The following ATP2B3 variants were observed in gnomAD, a reference collection of about 807,000 sequenced individuals.
ATP2B3 encodes ATPase plasma membrane Ca2+ transporting 3.
ATP2B3 carries 12 observed loss-of-function variants against 70.8 expected under a neutral mutation model. The observed-to-expected ratio is 0.17, with a 90% CI of 0.11 to 0.27. The LOEUF is 0.27. Ranked by LOEUF, ATP2B3 falls within the 10% of genes least tolerant of loss-of-function variation. The pLI is 1.00. For missense variants in ATP2B3, 858 were observed against 1,118.5 expected, an observed-to-expected ratio of 0.77 and a Z score of 3.32; for synonymous variants, 460 against 497.8, an observed-to-expected ratio of 0.92 and a Z score of 1.01.
intron 20 of ATP2B3, among the ~76,000 whole-genome samples, chrX:153,562,462 A>G (rs1230098119): frequency 1.8e-5 from 2 of 112,253 alleles, no homozygotes; most frequent in Non-Finnish European, 3.8e-5. Context: ...AGGGCCCAGG[A>G]AAACTGCCCG....
Position 153,536,152 on chromosome X carries a change from G to A in ATP2B3, c.-96G>A, listed in dbSNP as rs922202634. 1.5e-5 allele frequency: 15 copies of A among 1,026,989 alleles called. No individual in the cohort carries two copies. The highest frequency in any genetic ancestry group is 1.0e-4 in the Admixed American group (4 of 38,438). The allele number at this position is 1,026,989 out of a possible 1,213,427, so 84.6% of individuals were successfully genotyped here. The stretch of plus-strand genomic sequence containing the variant: ...CACGCTTAGCAGCTTTCTCACCGCC[G>A]CCAAACCTTGCCTGGGCACTGGGAC... On this transcript the variant is annotated 5_prime_UTR_variant, in exon 3 of 22. Transcript: ENST00000263519.
chrX:153,530,859 G>A (rs1471089967), intron 2 of ATP2B3, among the ~76,000 whole-genome samples: 3 of 112,593 alleles, frequency 2.7e-5, no homozygotes, highest in African/African-American at 3.2e-5. Flanking sequence ...CTGTTTTCTC[G>A]GGTTTTATTT....
chrX:153,558,129 C>T lies in ATP2B3; in HGVS notation c.2451C>T (p.Asp817=). ...VGFAMGIAGT[D]VAKEASDIIL... is the part of the protein sequence containing the mutation. The stretch of plus-strand genomic sequence containing the variant: ...CCCCCCAGGGCATCGCAGGGACCGA[C>T]GTGGCCAAGGAGGCCTCCGACATCA... The change falls in exon 17 of 22, where the codon GAC becomes GAT. Residue 817 remains aspartate, a synonymous_variant. Coordinates refer to ENST00000263519, the MANE Select transcript of ATP2B3 (RefSeq NM_001001344.3). 5.8e-6 allele frequency: 7 copies of T among 1,210,117 alleles called. No homozygotes were observed. The highest frequency in any genetic ancestry group is 3.0e-5 in the East Asian group (1 of 33,771).
At chrX:153,559,691 A>G (rs782029207) in intron 17 of ATP2B3, 38 bp from the exon 18 acceptor site, 1 of 1,173,113 alleles carries the variant, frequency 8.5e-7, no homozygotes, top group East Asian at 3.0e-5. Context: ...CTTCCCGGGC[A>G]GGCGGCCCAT....
chrX:153,542,276 C>A, intron 5 of ATP2B3, 47 bp from the exon 6 acceptor site: 4 of 1,204,348 alleles, frequency 3.3e-6, no homozygotes, highest in Non-Finnish European at 4.5e-6. Context: ...CTGGGGCAGC[C>A]GGGAGGAGGC....
intron 5 of ATP2B3, 76 bp downstream of exon 5, chrX:153,542,002 C>A (rs1163594045): frequency 9.8e-6 from 11 of 1,127,087 alleles, no homozygotes; most frequent in African/African-American, 3.8e-5. Context: ...CCAGAGGAGA[C>A]CCCCAGCACA....
rs782356344 is a variant in ATP2B3 at position 153,562,266 on chromosome X, T to C, written c.3159+24T>C. Reference sequence around the variant, plus strand: ...AGGTGAGTGACAGCCCTGCCCCTCATTTCAGACTGCCCTGCAGACAGCTTC... The same window carrying C: ...AGGTGAGTGACAGCCCTGCCCCTCACTTCAGACTGCCCTGCAGACAGCTTC... On this transcript the variant is annotated intron_variant, in intron 20 of 21. Transcript: ENST00000263519. 4 of 1,171,171 alleles carry C rather than the reference T, an allele frequency of 3.4e-6. No homozygotes were observed. In the African/African-American group the frequency reaches 5.3e-5, roughly 16 times the overall value.
chrX:153,539,069 C>T (rs908921977), intron 3 of ATP2B3, among the ~76,000 whole-genome samples: 18 of 112,679 alleles, frequency 1.6e-4, no homozygotes, highest in African/African-American at 3.9e-4. Context: ...CCTCTCCCTC[C>T]GCAGAAGCCC....
At chrX:153,530,944 G>A (rs1165211230) in intron 2 of ATP2B3, among the ~76,000 whole-genome samples, 1 of 112,359 alleles carries the variant, frequency 8.9e-6, no homozygotes, top group Non-Finnish European at 1.9e-5. Context: ...CAGCGACGGT[G>A]CCTCTGAAAT....
At chrX:153,518,048 C>T (rs2089902457) in intron 1 of ATP2B3, among the ~76,000 whole-genome samples, 173 bp downstream of exon 1, 2 of 110,788 alleles carry the variant, frequency 1.8e-5, no homozygotes, top group African/African-American at 6.5e-5. Flanking sequence ...CGTGTCCTTG[C>T]GGCACTGCGG....
Position 153,542,942 on chromosome X carries a change from C to T in ATP2B3, c.791-101C>T, listed in dbSNP as rs1406761104. The stretch of plus-strand genomic sequence containing the variant: ...CCTAGTTTTAAGGTGGACACCGCGT[C>T]CCTGCTTCCGGGAGACCCTGGGAGA... On this transcript the variant is annotated intron_variant, in intron 6 of 21. Coordinates refer to ENST00000263519, the MANE Select transcript of ATP2B3 (RefSeq NM_001001344.3). The T allele has an allele frequency of 5.6e-6, 6 of 1,067,475 alleles. No individual in the cohort carries two copies. In the East Asian group the frequency reaches 1.9e-4, roughly 34 times the overall value. The allele number at this position is 1,067,475 out of a possible 1,213,427, so 88.0% of individuals were successfully genotyped here.
chrX:153,557,115 A>C, intron 16 of ATP2B3, 92 bp downstream of exon 16: 1 of 925,990 alleles, frequency 1.1e-6, no homozygotes, highest in East Asian at 3.4e-5. Flanking sequence ...AGTGGGAGCC[A>C]GTGTCGGGGC....
In ATP2B3 at chrX:153,580,460, A is replaced by G; in HGVS notation, c.*162A>G. 1 of 498,675 alleles carries G rather than the reference A, an allele frequency of 2.0e-6. No individual in the cohort carries two copies. The allele number at this position is 498,675 out of a possible 1,213,427, so 41.1% of individuals were successfully genotyped here. A position where few individuals can be genotyped will look rare whatever the true frequency, so the allele number is the denominator to read the frequency against. ...TCTGGCAGGGCATTTGCAAGGACCC[A>G]AATCCATTCAACAAGGGTGCAGCCT... is the stretch of plus-strand genomic sequence containing the variant. On this transcript the variant is annotated 3_prime_UTR_variant, in exon 22 of 22. Transcript: ENST00000263519.
intron 15 of ATP2B3, 39 bp from the exon 16 acceptor site, chrX:153,556,878 G>A (rs1162137007): frequency 8.7e-7 from 1 of 1,148,770 alleles, no homozygotes; most frequent in African/African-American, 1.8e-5. Flanking sequence ...TGTGGTGACA[G>A]ATGGCCCCAG....
At position 153,538,019 on chromosome X, in the gene ATP2B3, G is replaced by A. The variant is rs986092699; in HGVS notation, c.208+1564G>A. ...CCCCAAGGCCACAGTGCAGGGAGCCGGCCAGGCCTGGATCTGCTGCCCACA... is the reference window on the plus strand; with the variant it reads ...CCCCAAGGCCACAGTGCAGGGAGCCAGCCAGGCCTGGATCTGCTGCCCACA... On this transcript the variant is annotated intron_variant, in intron 3 of 21. Coordinates refer to ENST00000263519, the MANE Select transcript of ATP2B3 (RefSeq NM_001001344.3). 7.1e-5 allele frequency among the ~76,000 whole-genome samples: 8 copies of A among 112,457 alleles called. No homozygotes were observed. The South Asian group carries it at 2.6e-3, about 36-fold the overall frequency.
At chrX:153,569,784 T>C (rs782716426) in intron 21 of ATP2B3, 2 of 1,201,241 alleles carry the variant, frequency 1.7e-6, no homozygotes, top group Admixed American at 2.2e-5. Flanking sequence ...TTTTCTCTCA[T>C]AAATGGCATC....
Position 153,558,038 on chromosome X carries a change from G to A in ATP2B3, c.2434-74G>A, listed in dbSNP as rs782298731. Reference sequence around the variant, plus strand: ...GAGAGCAGGGAGCCAGCCCAGGCGGGCCAGGTGATCAAGGGGGGCTGGGGA... The same window carrying A: ...GAGAGCAGGGAGCCAGCCCAGGCGGACCAGGTGATCAAGGGGGGCTGGGGA... On this transcript the variant is annotated intron_variant, in intron 16 of 21. Coordinates refer to ENST00000263519, the MANE Select transcript of ATP2B3 (RefSeq NM_001001344.3). 6.3e-5 allele frequency: 67 copies of A among 1,069,897 alleles called. 1 individual carries two copies. The East Asian group carries it at 2.0e-3, about 32-fold the overall frequency. The allele number at this position is 1,069,897 out of a possible 1,213,427, so 88.2% of individuals were successfully genotyped here. A position where few individuals can be genotyped will look rare whatever the true frequency, so the allele number is the denominator to read the frequency against.
chrX:153,570,487 A>AT lies in ATP2B3; in HGVS notation c.3342+5384_3342+5385insT, dbSNP rs782480773. 1.8e-4 allele frequency among the ~76,000 whole-genome samples: 20 copies of AT among 112,321 alleles called. No homozygotes were observed. The East Asian group carries it at 5.3e-3, about 30-fold the overall frequency. On this transcript the variant is annotated intron_variant, in intron 21 of 21. Transcript: ENST00000263519. ...GTTGGTCACAGTTTAAAGAGAACCC[A>AT]GGGGCTGTCCTAAGGAGGTAGAAAC...
At chrX:153,557,730 T>C (rs1557014399) in intron 16 of ATP2B3, among the ~76,000 whole-genome samples, 1 of 111,344 alleles carries the variant, frequency 9.0e-6, no homozygotes, top group Non-Finnish European at 1.9e-5. Flanking sequence ...GGTGTCCCCA[T>C]GCAGGACTTC....
Sources: gnomAD v4.1 joint callset for allele counts (sites outside exome capture counted in the v4.1 genomes callset) on GRCh38, gnomAD v4.1.1 for gene constraint, MANE v1.5 for transcripts, NCBI Gene and HGNC (gene_info 2026-07-23, HGNC 2026-07-21) for gene names.